WDR41: variants seen among roughly 807,000 people sequenced by gnomAD.
WDR41 encodes WD repeat-containing protein 41.
WDR41 carries 63 observed loss-of-function variants against 69.3 expected under a neutral mutation model. The observed-to-expected ratio is 0.91, with a 90% CI of 0.74 to 1.12. WDR41 has a LOEUF of 1.12. WDR41 is among the 50% of genes most tolerant of loss of function. The probability of loss-of-function intolerance (pLI) is 0.00; values close to 1 mark genes in which losing one functional copy is unlikely to be tolerated. For synonymous variants in WDR41, 185 were observed against 192.1 expected, an observed-to-expected ratio of 0.96 and a Z score of 0.31; for missense variants, 543 against 534.5, an observed-to-expected ratio of 1.02 and a Z score of -0.16.
At chr5:77,590,895 G>A (rs769628448) in intron 1 of WDR41, among the ~76,000 whole-genome samples, 5 of 152,170 alleles carry the variant, frequency 3.3e-5, no homozygotes, top group Non-Finnish European at 5.9e-5. Context: ...GAGTTGGAAA[G>A]TGCTCCCTCT....
chr5:77,463,234 A>G lies in WDR41; in HGVS notation c.217-8T>C. 1 of 1,601,126 alleles carries G rather than the reference A, an allele frequency of 6.2e-7. No individual in the cohort carries two copies. Among genetic ancestry groups the G allele is most frequent in the South Asian group, 1.1e-5 (1 of 88,906 alleles). On this transcript the variant is annotated splice_polypyrimidine_tract_variant and splice_region_variant and intron_variant, in intron 3 of 12. Coordinates refer to ENST00000296679, the MANE Select transcript of WDR41 (RefSeq NM_018268.4). ...TAAAAGTTTTTCCCCTGTCTGAAAT[A>G]CCAATAAAAATGTTAATAGGCTTAG...
At chr5:77,588,966 A>G (rs1744086973) in intron 1 of WDR41, among the ~76,000 whole-genome samples, 1 of 152,198 alleles carries the variant, frequency 6.6e-6, no homozygotes, top group African/African-American at 2.4e-5. Context: ...CTTTGTGGCC[A>G]TTTAAATAGC....
At chr5:77,433,386 A>T in intron 12 of WDR41, 99 bp from the exon 13 acceptor site, 4 of 1,040,522 alleles carry the variant, frequency 3.8e-6, no homozygotes, top group Admixed American at 2.9e-5. Flanking sequence ...TGCCTTAAAG[A>T]CTCCTTTGGA....
chr5:77,462,640 T>C (rs1388340984), intron 4 of WDR41, among the ~76,000 whole-genome samples: 2 of 152,194 alleles, frequency 1.3e-5, no homozygotes, highest in Non-Finnish European at 2.9e-5. Context: ...CAAACAGTAA[T>C]TCACTTTTCT....
chr5:77,515,892 T>C (rs1230295340), intron 1 of WDR41, among the ~76,000 whole-genome samples: 1 of 152,218 alleles, frequency 6.6e-6, no homozygotes, highest in African/African-American at 2.4e-5. Flanking sequence ...ATATATGTGA[T>C]TATACTTTAC....
rs150952861 is a variant in WDR41 at position 77,490,402 on chromosome 5, A to G, written c.52-830T>C. 3.4e-3 allele frequency among the ~76,000 whole-genome samples: 515 copies of G among 152,284 alleles called. 1 individual carries two copies. The highest frequency in any genetic ancestry group is 5.4e-3 in the Non-Finnish European group (369 of 68,016). ...TCAAAAATGTCTCCAGACATTGCCA[A>G]ATGTCTCCTGCGGGGCAAAAATCAC... is the stretch of plus-strand genomic sequence containing the variant. On this transcript the variant is annotated intron_variant, in intron 1 of 12. Transcript: ENST00000296679.
chr5:77,506,998 C>T (rs1370265376), intron 1 of WDR41, among the ~76,000 whole-genome samples: 1 of 152,122 alleles, frequency 6.6e-6, no homozygotes, highest in African/African-American at 2.4e-5. Flanking sequence ...ATCAAACCTG[C>T]ACGTTGTGCA....
At chr5:77,582,383 G>T (rs537881355) in intron 1 of WDR41, 4 of 1,609,612 alleles carry the variant, frequency 2.5e-6, no homozygotes, top group South Asian at 2.2e-5. Context: ...ACCATGGAGG[G>T]TGTAGAAGAG....
At chr5:77,468,119 G>A (rs1311393499) in intron 2 of WDR41, among the ~76,000 whole-genome samples, 3 of 151,916 alleles carry the variant, frequency 2.0e-5, no homozygotes, top group South Asian at 4.2e-4. Context: ...AGTTCAACAA[G>A]GTGAAACATG....
intron 1 of WDR41, among the ~76,000 whole-genome samples, chr5:77,559,808 C>T (rs2112255880): frequency 6.6e-6 from 1 of 152,150 alleles, no homozygotes; most frequent in South Asian, 2.1e-4. Context: ...AGCCATGCTA[C>T]TGAATTGTTT....
In WDR41 at chr5:77,436,316, G is replaced by A; in HGVS notation, c.1172C>T (p.Thr391Ile). The A allele has an allele frequency of 2.5e-6, 4 of 1,614,090 alleles. No homozygotes were observed. Among genetic ancestry groups the A allele is most frequent in the South Asian group, 2.2e-5 (2 of 91,078 alleles). ...TCCAATAAGCTCCAGTGAACATGAA[G>A]TAGCATTTTCTTGCTGCTTTTTAAC... ...QPVKKQQENA[T>I]SCSLELIGDL... Residue 391 changes from threonine (T) to isoleucine (I), a missense_variant, in exon 12 of 13, where the codon ACT becomes ATT. Transcript: ENST00000296679.
In WDR41 at chr5:77,585,362, T is replaced by A. The variant is rs558317540; in HGVS notation, c.42+35117A>T. Among the ~76,000 whole-genome samples the A allele has an allele frequency of 6.6e-5, 10 of 152,332 alleles. No homozygotes were observed. The East Asian group carries it at 1.4e-3, about 21-fold the overall frequency. ...GAATGTGGTGAACAGGGAACACTTC[T>A]ACACTGCTGGTGGGAATGTAAACTA... On this transcript the variant is annotated intron_variant, in intron 1 of 5. Transcript: ENST00000509971.
chr5:77,590,781 A>G (rs975519173), intron 1 of WDR41, among the ~76,000 whole-genome samples: 1 of 151,956 alleles, frequency 6.6e-6, no homozygotes, highest in African/African-American at 2.4e-5. Context: ...TAAGTAAAAT[A>G]TTTTCTCACT....
At chr5:77,562,556 A>C (rs2112259952) in intron 1 of WDR41, among the ~76,000 whole-genome samples, 1 of 152,324 alleles carries the variant, frequency 6.6e-6, no homozygotes, top group Middle Eastern at 3.4e-3. Context: ...TCTGTTATTT[A>C]ATGATGTCTT....
intron 2 of WDR41, among the ~76,000 whole-genome samples, chr5:77,471,815 C>G (rs1800629506): frequency 6.6e-6 from 1 of 152,054 alleles, no homozygotes; most frequent in African/African-American, 2.4e-5. Context: ...AAATCCAGGA[C>G]CAGATGGATT....
intron 1 of WDR41, among the ~76,000 whole-genome samples, chr5:77,618,200 G>T (rs547234955): frequency 2.0e-5 from 3 of 152,214 alleles, no homozygotes; most frequent in East Asian, 3.9e-4. Context: ...TGGAAACAAT[G>T]GTTCTCAAAC....
intron 1 of WDR41, among the ~76,000 whole-genome samples, chr5:77,592,797 T>C (rs1744156189): frequency 6.6e-6 from 1 of 152,180 alleles, no homozygotes; most frequent in Admixed American, 6.5e-5. Context: ...TGTTGTCCAG[T>C]GTTTTTATTG....
At chr5:77,615,109 T>C (rs376627428) in intron 1 of WDR41, among the ~76,000 whole-genome samples, 14 of 152,170 alleles carry the variant, frequency 9.2e-5, no homozygotes, top group Admixed American at 5.9e-4. Flanking sequence ...GGTAATGTTC[T>C]AAAACTGGAT....
At chr5:77,582,440 G>A (rs1743956197) in intron 1 of WDR41, 7 of 1,606,588 alleles carry the variant, frequency 4.4e-6, no homozygotes, top group Admixed American at 1.7e-5. Flanking sequence ...AAGAAAAAGC[G>A]AAGGAATTTC....
Sources: gnomAD v4.1 joint callset for allele counts (sites outside exome capture counted in the v4.1 genomes callset) on GRCh38, gnomAD v4.1.1 for gene constraint, MANE v1.5 for transcripts, NCBI Gene and HGNC (gene_info 2026-07-23, HGNC 2026-07-21) for gene names.